RAPGEF5: variants seen among roughly 807,000 people sequenced by gnomAD.
The protein encoded by RAPGEF5 is M-Ras-regulated GEF.
RAPGEF5 carries 65 observed loss-of-function variants against 125.2 expected under a neutral mutation model. That is an observed-to-expected ratio of 0.52 (90% CI 0.43 to 0.64). The LOEUF is 0.64. RAPGEF5 is among the 30% of genes least tolerant of loss of function. The pLI is 0.00. For missense variants in RAPGEF5, 958 were observed against 1,048.1 expected (o/e 0.91, Z 1.19); for synonymous variants, 391 against 385.9 (o/e 1.01, Z -0.16).
intron 3 of RAPGEF5, among the ~76,000 whole-genome samples, chr7:22,313,230 A>T (rs117887992): frequency 1.3e-5 from 2 of 152,244 alleles, no homozygotes; most frequent in South Asian, 4.1e-4. Context: ...ATTCATAGTA[A>T]TGCTACAATA....
chr7:22,245,219 T>C (rs1786444856), intron 7 of RAPGEF5, among the ~76,000 whole-genome samples: 1 of 152,234 alleles, frequency 6.6e-6, no homozygotes, highest in Non-Finnish European at 1.5e-5. Flanking sequence ...TAACACCTTA[T>C]CAAATGTGTG....
At chr7:22,242,952 A>G (rs990022962) in intron 7 of RAPGEF5, among the ~76,000 whole-genome samples, 7 of 144,546 alleles carry the variant, frequency 4.8e-5, no homozygotes, top group African/African-American at 2.0e-4. Flanking sequence ...CGTCTCAAAA[A>G]AAAAAAAAAA....
At chr7:22,211,650 C>G (rs769396906) in intron 9 of RAPGEF5, among the ~76,000 whole-genome samples, 7 of 152,218 alleles carry the variant, frequency 4.6e-5, no homozygotes, top group Non-Finnish European at 1.0e-4. Context: ...GACCAGGAAG[C>G]TTTGAAGGAG....
rs1783434429 is a variant in RAPGEF5, at chr7:22,310,115, A to G, written c.390-25T>C. 2.0e-6 allele frequency: 3 copies of G among 1,506,134 alleles called. No homozygotes were observed. The South Asian group carries it at 4.0e-5, about 20-fold the overall frequency. The allele number at this position is 1,506,134 out of a possible 1,614,324, so 93.3% of individuals were successfully genotyped here. On this transcript the variant is annotated intron_variant, in intron 3 of 25. Coordinates refer to ENST00000665637, the MANE Select transcript of RAPGEF5 (RefSeq NM_012294.5). The stretch of plus-strand genomic sequence containing the variant: ...CCTGAACAAAAGCAAAGCCATTCAC[A>G]GTAAGATATTGCTGACATCCGTTTG...
chr7:22,288,241 A>G (rs111653699), intron 6 of RAPGEF5, among the ~76,000 whole-genome samples: 1 of 115,686 alleles, frequency 8.6e-6, no homozygotes, highest in East Asian at 3.8e-4. Flanking sequence ...TGTTCCCCAG[A>G]CTCTATCTTC....
chr7:22,225,254 C>G (rs1379987636), intron 8 of RAPGEF5, among the ~76,000 whole-genome samples: 5 of 152,256 alleles, frequency 3.3e-5, no homozygotes, highest in East Asian at 1.9e-4. Flanking sequence ...GCCCACGAAG[C>G]AAATATGTAT....
chr7:22,214,657 A>G (rs7791876), intron 9 of RAPGEF5, among the ~76,000 whole-genome samples: 111,258 of 151,710 alleles, frequency 0.73, 40,896 homozygotes, highest in South Asian at 0.79. Flanking sequence ...ACGACTGGGC[A>G]AGCACCTTTT....
intron 7 of RAPGEF5, among the ~76,000 whole-genome samples, chr7:22,244,417 C>G (rs1218174305): frequency 2.0e-5 from 3 of 152,094 alleles, no homozygotes. Context: ...TGAGCTCTAC[C>G]TCCTGTCGGA....
intron 6 of RAPGEF5, among the ~76,000 whole-genome samples, chr7:22,269,916 G>A (rs1782378043): frequency 6.6e-6 from 1 of 152,154 alleles, no homozygotes; most frequent in Non-Finnish European, 1.5e-5. Context: ...CAGATTGGTG[G>A]GAAAAACTAT....
At chr7:22,318,153 AAT>A in intron 1 of RAPGEF5, 116 bp from the exon 2 acceptor site, 1 of 1,036,112 alleles carries the variant, frequency 9.7e-7, no homozygotes, top group Admixed American at 3.3e-5. Flanking sequence ...AAAAAAAAAA[AAT>A]GAGCTTAAAT....
intron 7 of RAPGEF5, among the ~76,000 whole-genome samples, chr7:22,244,802 A>G (rs1034954986): frequency 3.3e-5 from 5 of 152,176 alleles, no homozygotes; most frequent in African/African-American, 1.2e-4. Context: ...GAGTGCAGAT[A>G]TCTCTTCAAC....
In RAPGEF5 at chr7:22,214,783, C is replaced by T. The variant is rs551661087; in HGVS notation, c.996+5083G>A. On this transcript the variant is annotated intron_variant, in intron 9 of 25. Coordinates refer to ENST00000665637, the MANE Select transcript of RAPGEF5 (RefSeq NM_012294.5). ...CTCTTTCGAAGGACTGCTGTGGTTC[C>T]GGTTACCTTGGCTTCTGGGCCACCT... Among the ~76,000 whole-genome samples the T allele has an allele frequency of 4.6e-4, 70 of 151,786 alleles. 1 individual carries two copies. The South Asian group carries it at 0.014, about 31-fold the overall frequency.
At chr7:22,198,051 A>G (rs780191917) in intron 9 of RAPGEF5, among the ~76,000 whole-genome samples, 2 of 152,066 alleles carry the variant, frequency 1.3e-5, no homozygotes, top group Non-Finnish European at 2.9e-5. Flanking sequence ...CACCAGGCCC[A>G]GCTAATTTTT....
At chr7:22,273,511 C>T (rs1782490659) in intron 6 of RAPGEF5, among the ~76,000 whole-genome samples, 1 of 152,230 alleles carries the variant, frequency 6.6e-6, no homozygotes, top group South Asian at 2.1e-4. Context: ...AGCCACCGCG[C>T]CCGGCCAGGG....
At chr7:22,156,733 G>A in intron 16 of RAPGEF5, 77 bp downstream of exon 16, 2 of 1,599,356 alleles carry the variant, frequency 1.3e-6, no homozygotes, top group South Asian at 1.1e-5. Context: ...GGTTAGTCAG[G>A]CTGATATGCC....
At chr7:22,172,290 TTTTTG>T (rs1784373919) in intron 11 of RAPGEF5, among the ~76,000 whole-genome samples, 1 of 151,984 alleles carries the variant, frequency 6.6e-6, no homozygotes, top group South Asian at 2.1e-4. Flanking sequence ...GCCCGGCTAA[TTTTTG>T]TATTTTTAGT....
chr7:22,339,931 G>A (rs2128386566), intron 1 of RAPGEF5, among the ~76,000 whole-genome samples: 1 of 152,278 alleles, frequency 6.6e-6, no homozygotes, highest in South Asian at 2.1e-4. Flanking sequence ...AGCAGACCAG[G>A]TGGATGGTTA....
intron 1 of RAPGEF5, 32 bp downstream of exon 1, chr7:22,356,798 C>A (rs562566086): frequency 1.8e-6 from 2 of 1,125,154 alleles, no homozygotes; most frequent in Non-Finnish European, 2.2e-6. Flanking sequence ...GCGCGCCGCC[C>A]GTGCCCACTC....
chr7:22,254,759 T>C (rs111885686), intron 7 of RAPGEF5, among the ~76,000 whole-genome samples: 85 of 152,146 alleles, frequency 5.6e-4, no homozygotes, highest in African/African-American at 2.0e-3. Flanking sequence ...GGGATAAAAT[T>C]GTTCCACCTC....
Sources: allele counts gnomAD v4.1 joint callset (sites outside exome capture counted in the v4.1 genomes callset), GRCh38; gene constraint gnomAD v4.1.1; transcripts MANE v1.5; gene names NCBI Gene and HGNC (gene_info 2026-07-23, HGNC 2026-07-21).